Variants in UBOX5 observed in about 807,000 individuals in gnomAD.
The protein encoded by UBOX5 is U-box domain containing 5.
Under a neutral mutation model 39.0 loss-of-function variants are expected in UBOX5, and 28 were observed. The ratio of observed to expected loss-of-function variants is 0.72; its 90% CI spans 0.53 to 0.98. The LOEUF (loss-of-function observed/expected upper bound fraction) is 0.98, where lower values mean the gene tolerates loss of function less well. UBOX5 is among the 50% of genes least tolerant of loss of function. The probability of loss-of-function intolerance (pLI) is 0.00; values close to 1 mark genes in which losing one functional copy is unlikely to be tolerated. For missense variants in UBOX5, 585 were observed against 674.4 expected (o/e 0.87, Z 1.47); for synonymous variants, 283 against 275.5 (o/e 1.03, Z -0.27).
chr20:3,126,317 G>C lies in UBOX5; in HGVS notation c.-41-2911C>G, dbSNP rs183387796. 5.5e-3 allele frequency among the ~76,000 whole-genome samples: 837 copies of C among 152,114 alleles called. 10 individuals carry two copies. The highest frequency in any genetic ancestry group is 0.018 in the African/African-American group (753 of 41,494). On this transcript the variant is annotated intron_variant, in intron 1 of 4. Coordinates refer to ENST00000217173, the MANE Select transcript of UBOX5 (RefSeq NM_014948.4). ...ACAGATGCTTGAAGGCAGCATGCTC[G>C]TTAAGAGTCATCACCACTCCCTAAT...
intron 1 of UBOX5, chr20:3,136,304 T>C (rs866351972): frequency 6.6e-6 from 1 of 151,870 alleles, no homozygotes; most frequent in Non-Finnish European, 1.5e-5. Flanking sequence ...AATGTATTAC[T>C]GAGCATCTCA....
At chr20:3,132,168 G>A (rs183307123) in intron 1 of UBOX5, among the ~76,000 whole-genome samples, 96 of 151,784 alleles carry the variant, frequency 6.3e-4, no homozygotes, top group African/African-American at 1.7e-3. Flanking sequence ...AAATTAGCTG[G>A]GCATGGTTGC....
At chr20:3,150,417 T>C (rs2066612771) in intron 1 of UBOX5, 1 of 152,200 alleles carries the variant, frequency 6.6e-6, no homozygotes, top group South Asian at 2.1e-4. Flanking sequence ...GAGTCTTTAT[T>C]CTGCCTGTGA....
chr20:3,152,970 G>T (rs1469367524), intron 1 of UBOX5, among the ~76,000 whole-genome samples: 1 of 151,856 alleles, frequency 6.6e-6, no homozygotes, highest in Non-Finnish European at 1.5e-5. Context: ...TAAAATAGCT[G>T]TGCCATAGTA....
chr20:3,135,721 CAAACACACGCA>C (rs2066465581), intron 1 of UBOX5, among the ~76,000 whole-genome samples: 1 of 151,632 alleles, frequency 6.6e-6, no homozygotes, highest in African/African-American at 2.4e-5. Flanking sequence ...TGTGAACACA[CAAACACACGCA>C]ATTATTCATT....
chr20:3,118,010 T>TA (rs1395513005), intron 3 of UBOX5, among the ~76,000 whole-genome samples: 2 of 149,422 alleles, frequency 1.3e-5, no homozygotes, highest in African/African-American at 4.9e-5. Context: ...AAAATAAAAA[T>TA]AAAAAAAATT....
At chr20:3,130,913 C>T (rs762378950) in intron 1 of UBOX5, among the ~76,000 whole-genome samples, 23 of 152,032 alleles carry the variant, frequency 1.5e-4, no homozygotes, top group Non-Finnish European at 2.6e-4. Flanking sequence ...AAGACAGTTG[C>T]CATCCTCGTT....
At chr20:3,145,592 C>T (rs901889621) in intron 1 of UBOX5, among the ~76,000 whole-genome samples, 4 of 152,104 alleles carry the variant, frequency 2.6e-5, no homozygotes, top group African/African-American at 9.7e-5. Flanking sequence ...GGGCACACCA[C>T]CACGCCTGGC....
Position 3,145,876 on chromosome 20 carries a change from T to C in UBOX5, c.-42+13890A>G, listed in dbSNP as rs1380575584. Among the ~76,000 whole-genome samples, 4 of 151,798 alleles carry C rather than the reference T, an allele frequency of 2.6e-5. No individual in the cohort carries two copies. In the East Asian group the frequency reaches 7.8e-4, roughly 29 times the overall value. ...GCCTGAACAACATGGTGAAACCCCA[T>C]CTCAAATAAAAATGCAAAAATTAGC... On this transcript the variant is annotated intron_variant, in intron 1 of 4. Coordinates refer to ENST00000217173, the MANE Select transcript of UBOX5 (RefSeq NM_014948.4).
Position 3,148,795 on chromosome 20 carries a change from C to G in UBOX5, c.-42+10971G>C, listed in dbSNP as rs76392282. Reference sequence around the variant, plus strand: ...CTCCTGTGGCCCTGGGTGAGCCCAGCTGCAATGTACTGGCCTTAGAGGAAG... The same window carrying G: ...CTCCTGTGGCCCTGGGTGAGCCCAGGTGCAATGTACTGGCCTTAGAGGAAG... On this transcript the variant is annotated intron_variant, in intron 1 of 4. Transcript: ENST00000217173. 1.1e-5 allele frequency: 17 copies of G among 1,614,228 alleles called. 2 individuals carry two copies. In the South Asian group the frequency reaches 1.9e-4, roughly 18 times the overall value.
intron 3 of UBOX5, among the ~76,000 whole-genome samples, chr20:3,121,000 G>T (rs2066330917): frequency 6.6e-6 from 1 of 152,106 alleles, no homozygotes; most frequent in Admixed American, 6.6e-5. Flanking sequence ...CTGCTTTGAG[G>T]GACTGGTATC....
At chr20:3,111,121 G>A (rs940367214) in intron 4 of UBOX5, among the ~76,000 whole-genome samples, 6 of 152,156 alleles carry the variant, frequency 3.9e-5, no homozygotes, top group African/African-American at 1.4e-4. Flanking sequence ...GGGTCACAGT[G>A]AGCAGCTCTG....
chr20:3,140,152 G>A (rs2066505915), intron 1 of UBOX5, among the ~76,000 whole-genome samples: 1 of 149,318 alleles, frequency 6.7e-6, no homozygotes, highest in Admixed American at 6.8e-5. Flanking sequence ...CTCCTGAGTA[G>A]CTGGGATTAT....
At chr20:3,124,005 T>C (rs1329874887) in intron 1 of UBOX5, among the ~76,000 whole-genome samples, 8 of 151,816 alleles carry the variant, frequency 5.3e-5, no homozygotes, top group African/African-American at 9.7e-5. Flanking sequence ...CTGGGAAACA[T>C]AGCTGGTCTT....
intron 1 of UBOX5, among the ~76,000 whole-genome samples, chr20:3,155,439 G>A (rs557753439): frequency 3.3e-5 from 5 of 152,240 alleles, no homozygotes; most frequent in East Asian, 1.9e-4. Flanking sequence ...GCCGAGGCAG[G>A]AGAATCACTT....
chr20:3,144,601 C>T (rs931750158), intron 1 of UBOX5, among the ~76,000 whole-genome samples: 4 of 152,018 alleles, frequency 2.6e-5, no homozygotes, highest in African/African-American at 9.7e-5. Flanking sequence ...AAAGCACAAG[C>T]AACTAAAGAA....
At chr20:3,139,873 C>A (rs1405549151) in intron 1 of UBOX5, among the ~76,000 whole-genome samples, 1 of 151,952 alleles carries the variant, frequency 6.6e-6, no homozygotes, top group Non-Finnish European at 1.5e-5. Flanking sequence ...CCACACCCAG[C>A]TAATTTTTTT....
At chr20:3,158,771 GC>G (rs750036939) in intron 1 of UBOX5, among the ~76,000 whole-genome samples, 13 of 152,222 alleles carry the variant, frequency 8.5e-5, no homozygotes, top group Non-Finnish European at 1.9e-4. Context: ...ACTGTGTCCG[GC>G]CCAGATTTTA....
At chr20:3,112,048 C>G (rs1282663702) in intron 4 of UBOX5, among the ~76,000 whole-genome samples, 1 of 150,406 alleles carries the variant, frequency 6.6e-6, no homozygotes, top group Non-Finnish European at 1.5e-5. Flanking sequence ...CATTAAGCAA[C>G]ATAAAAGTAC....
Sources: gnomAD v4.1 joint callset for allele counts (sites outside exome capture counted in the v4.1 genomes callset) on GRCh38, gnomAD v4.1.1 for gene constraint, MANE v1.5 for transcripts, NCBI Gene and HGNC (gene_info 2026-07-23, HGNC 2026-07-21) for gene names.